ATG13: variants seen among roughly 807,000 people sequenced by gnomAD.
ATG13 encodes autophagy related 13, also known as autophagy-related protein 13.
In ATG13, 23 loss-of-function variants were observed where a neutral mutation model predicts 65.5. The observed-to-expected ratio is 0.35, with a 90% CI of 0.25 to 0.50. The LOEUF (loss-of-function observed/expected upper bound fraction) is 0.50. Among genes scored for constraint, ATG13 ranks in the 20% least tolerant of loss-of-function variants. The probability of loss-of-function intolerance (pLI) is 0.98; values close to 1 mark genes in which losing one functional copy is unlikely to be tolerated. For missense variants in ATG13, 566 were observed against 677.0 expected (o/e 0.84, Z 1.82); for synonymous variants, 252 against 245.2 (o/e 1.03, Z -0.26).
intron 6 of ATG13, among the ~76,000 whole-genome samples, chr11:46,649,642 G>A (rs1417026760): frequency 6.6e-6 from 1 of 152,100 alleles, no homozygotes; most frequent in African/African-American, 2.4e-5. Context: ...AGGCAGATTA[G>A]CTTATCTCTT....
Position 46,649,134 on chromosome 11 carries a change from C to T in ATG13, c.271-3C>T, listed in dbSNP as rs775458708. ...AAATATTTTAAATTTGTCCTTTCTACAGGGAGATTCCATGGAGCTGGAAAT... is the reference window on the plus strand; with the variant it reads ...AAATATTTTAAATTTGTCCTTTCTATAGGGAGATTCCATGGAGCTGGAAAT... On this transcript the variant is annotated splice_region_variant and splice_polypyrimidine_tract_variant and intron_variant, in intron 5 of 18. Coordinates refer to ENST00000683050, the MANE Select transcript of ATG13 (RefSeq NM_001346311.2). The T allele has an allele frequency of 5.0e-6, 8 of 1,611,198 alleles. No individual in the cohort carries two copies. The highest frequency in any genetic ancestry group is 3.3e-4 in the Middle Eastern group (2 of 6,042).
chr11:46,654,645 C>T (rs1189926644), intron 7 of ATG13, among the ~76,000 whole-genome samples: 1 of 151,344 alleles, frequency 6.6e-6, no homozygotes, highest in African/African-American at 2.4e-5. Flanking sequence ...TCTCTTGAGC[C>T]CAGGAGGTTG....
intron 14 of ATG13, among the ~76,000 whole-genome samples, chr11:46,666,425 T>C (rs1368106918): frequency 6.6e-6 from 1 of 152,242 alleles, no homozygotes; most frequent in Non-Finnish European, 1.5e-5. Context: ...TTTTCTGCTG[T>C]GTCAGAGCCT....
chr11:46,628,888 T>C (rs60722866), intron 1 of ATG13, among the ~76,000 whole-genome samples: 32,486 of 151,510 alleles, frequency 0.21, 4,222 homozygotes, highest in African/African-American at 0.37. Context: ...AACTTTTCCC[T>C]CTACCATTTC....
intron 18 of ATG13, among the ~76,000 whole-genome samples, chr11:46,670,659 T>C (rs1443595515): frequency 3.3e-5 from 5 of 151,718 alleles, no homozygotes; most frequent in Non-Finnish European, 7.4e-5. Flanking sequence ...GTACAAAAAA[T>C]TAGCTGGGCG....
chr11:46,629,275 C>T (rs2050828674), intron 1 of ATG13, among the ~76,000 whole-genome samples: 1 of 152,106 alleles, frequency 6.6e-6, no homozygotes, highest in African/African-American at 2.4e-5. Context: ...CAAGAGATTA[C>T]ATTTACCTTT....
chr11:46,650,786 A>G lies in ATG13; in HGVS notation c.458+469A>G, dbSNP rs189296440. On this transcript the variant is annotated intron_variant, in intron 7 of 18. Transcript: ENST00000683050. ...ATGCTCAGCTAATTTTTGTATTTTT[A>G]GTAGAGACAGGGTTTCACCATATTG... is the stretch of plus-strand genomic sequence containing the variant. Among the ~76,000 whole-genome samples the G allele has an allele frequency of 2.4e-4, 36 of 152,210 alleles. 1 individual carries two copies. In the East Asian group the frequency reaches 5.0e-3, roughly 21 times the overall value.
chr11:46,656,332 G>GATC (rs771113319), intron 8 of ATG13, 59 bp downstream of exon 8: 16 of 1,485,868 alleles, frequency 1.1e-5, no homozygotes, highest in African/African-American at 9.8e-5. Context: ...CTTCAGAGAT[G>GATC]ATCTTCGTTT....
At chr11:46,639,741 G>A (rs752779008) in intron 2 of ATG13, among the ~76,000 whole-genome samples, 3 of 151,960 alleles carry the variant, frequency 2.0e-5, no homozygotes, top group Non-Finnish European at 4.4e-5. Flanking sequence ...TAAAGTCATG[G>A]CACAGAGAGA....
chr11:46,621,907 C>G (rs906017907), intron 1 of ATG13, among the ~76,000 whole-genome samples: 1 of 151,462 alleles, frequency 6.6e-6, no homozygotes, highest in African/African-American at 2.4e-5. Flanking sequence ...TGATTGTACT[C>G]TTTATGGAAT....
At position 46,664,224 on chromosome 11, in the gene ATG13, A is replaced by G. The variant is rs902822707; in HGVS notation, c.888+129A>G. On this transcript the variant is annotated intron_variant, in intron 12 of 18. Coordinates refer to ENST00000683050, the MANE Select transcript of ATG13 (RefSeq NM_001346311.2). Reference sequence around the variant, plus strand: ...CTGTGGGATTATTTTGAGGCTTGGTAATAGATTTTAATAGGACACAGCCAC... The same window carrying G: ...CTGTGGGATTATTTTGAGGCTTGGTGATAGATTTTAATAGGACACAGCCAC... 9.5e-5 allele frequency: 68 copies of G among 714,826 alleles called. No homozygotes were observed. The African/African-American group carries it at 1.2e-3, about 13-fold the overall frequency. The allele number at this position is 714,826 out of a possible 1,614,324, so 44.3% of individuals were successfully genotyped here.
At chr11:46,672,194 G>A (rs1221569477) in intron 18 of ATG13, 61 bp from the exon 19 acceptor site, 4 of 1,611,822 alleles carry the variant, frequency 2.5e-6, no homozygotes, top group Admixed American at 1.7e-5. Flanking sequence ...TCGGGACTGG[G>A]CTGGCTGCCT....
At chr11:46,656,349 G>A in intron 8 of ATG13, 76 bp downstream of exon 8, 2 of 1,378,314 alleles carry the variant, frequency 1.5e-6, no homozygotes, top group Non-Finnish European at 2.0e-6. Flanking sequence ...GTTTCTACTT[G>A]TTATAATATG....
chr11:46,627,125 A>G (rs572112354), intron 1 of ATG13, among the ~76,000 whole-genome samples: 1 of 152,320 alleles, frequency 6.6e-6, no homozygotes, highest in South Asian at 2.1e-4. Context: ...TCACGCCTGT[A>G]ATCCCAGCAC....
chr11:46,652,419 T>G (rs1026404937), intron 7 of ATG13, among the ~76,000 whole-genome samples: 1 of 152,020 alleles, frequency 6.6e-6, no homozygotes, highest in Admixed American at 6.6e-5. Flanking sequence ...GTGATACCAT[T>G]AAAGAATAGT....
intron 2 of ATG13, among the ~76,000 whole-genome samples, chr11:46,642,061 C>T (rs1382797855): frequency 1.3e-5 from 2 of 152,084 alleles, no homozygotes; most frequent in African/African-American, 2.4e-5. Context: ...GTTGGGATTA[C>T]AGGTGTGCAC....
At chr11:46,647,289 T>TG (rs1190710295) in intron 5 of ATG13, among the ~76,000 whole-genome samples, 9 of 145,052 alleles carry the variant, frequency 6.2e-5, no homozygotes, top group African/African-American at 2.2e-4. Context: ...TGTTTTTTTT[T>TG]TTTGTTTTTT....
In ATG13 at chr11:46,657,596, C is replaced by T. The variant is rs781161532; in HGVS notation, c.669C>T (p.Ser223=). The T allele has an allele frequency of 1.1e-5, 18 of 1,610,036 alleles. 1 individual carries two copies. The South Asian group carries it at 1.2e-4, about 11-fold the overall frequency. ...DHFVDRPYPS[S]SPMHPCNYRT... ...TTGTGGACCGTCCCTATCCCAGCTCCTCTCCCATGCACCCCTGCAATTACA... is the reference window on the plus strand; with the variant it reads ...TTGTGGACCGTCCCTATCCCAGCTCTTCTCCCATGCACCCCTGCAATTACA... The change falls in exon 10 of 19, where the codon TCC becomes TCT. Residue 223 remains serine, a synonymous_variant. Transcript: ENST00000683050.
At chr11:46,622,076 CATATATATATAT>C (rs58391951) in intron 1 of ATG13, among the ~76,000 whole-genome samples, 2,109 of 71,604 alleles carry the variant, frequency 0.029, 55 homozygotes, top group African/African-American at 0.061. Flanking sequence ...TATTTATTTA[CATATATATATAT>C]ATATATATAT....
Sources: allele counts gnomAD v4.1 joint callset (sites outside exome capture counted in the v4.1 genomes callset), GRCh38; gene constraint gnomAD v4.1.1; transcripts MANE v1.5; gene names NCBI Gene and HGNC (gene_info 2026-07-23, HGNC 2026-07-21).